Variants in GAREM1 observed in about 807,000 individuals in gnomAD.
GAREM1 encodes GRB2 associated regulator of MAPK1 subtype 1, also known as GRB2-associated and regulator of MAPK protein 1.
Under a neutral mutation model 71.3 loss-of-function variants are expected in GAREM1, and 26 were observed. The observed-to-expected ratio is 0.36, with a 90% CI of 0.27 to 0.51. The LOEUF is 0.51. Ranked by LOEUF, GAREM1 falls within the 20% of genes least tolerant of loss-of-function variation. The pLI, the probability that GAREM1 is intolerant of heterozygous loss-of-function variation, is 0.95. For missense variants in GAREM1, 1,026 were observed against 1,103.1 expected (o/e 0.93, Z 0.99); for synonymous variants, 440 against 433.2 (o/e 1.02, Z -0.20).
At chr18:32,360,628 A>T (rs1690808965) in intron 2 of GAREM1, among the ~76,000 whole-genome samples, 1 of 152,124 alleles carries the variant, frequency 6.6e-6, no homozygotes, top group African/African-American at 2.4e-5. Flanking sequence ...CCTGGCCAGC[A>T]AACACCCCAA....
At chr18:32,449,732 C>A (rs1468163387) in intron 1 of GAREM1, among the ~76,000 whole-genome samples, 1 of 152,144 alleles carries the variant, frequency 6.6e-6, no homozygotes, top group Non-Finnish European at 1.5e-5. Context: ...TCTGTGAAGA[C>A]CAGAATTATT....
At chr18:32,276,180 A>G (rs1179599325) in intron 4 of GAREM1, among the ~76,000 whole-genome samples, 1 of 152,214 alleles carries the variant, frequency 6.6e-6, no homozygotes, top group African/African-American at 2.4e-5. Context: ...AATGAGGCAT[A>G]TTTCTAGAAA....
intron 2 of GAREM1, among the ~76,000 whole-genome samples, chr18:32,328,982 G>T (rs1598964603): frequency 6.6e-6 from 1 of 152,310 alleles, no homozygotes; most frequent in Non-Finnish European, 1.5e-5. Context: ...GACGGGCAAA[G>T]AACATGATGA....
At chr18:32,342,903 C>T (rs2047660782) in intron 2 of GAREM1, among the ~76,000 whole-genome samples, 1 of 152,164 alleles carries the variant, frequency 6.6e-6, no homozygotes, top group Non-Finnish European at 1.5e-5. Context: ...TATGTACTAT[C>T]TATGCTTCTT....
At position 32,287,992 on chromosome 18, in the gene GAREM1, T is replaced by C. The variant is rs546193858; in HGVS notation, c.605A>G (p.Asn202Ser). 1.2e-6 allele frequency: 2 copies of C among 1,614,176 alleles called. No homozygotes were observed. Among genetic ancestry groups the C allele is most frequent in the East Asian group, 2.2e-5 (1 of 44,880 alleles). The change falls in exon 4 of 6, where the codon AAT becomes AGT. Residue 202 changes from asparagine (N) to serine (S), a missense_variant. Around this residue, in one of 3 missense-constraint regions of GAREM1, gnomAD observed 218 missense variants for 296.8 expected, o/e 0.73. Transcript: ENST00000269209. This position sits in a 1 kb window ranked among gnomAD's most constrained non-coding sequence, Gnocchi z 5.9. ...KGKMPCLICM[N>S]HRTNESISLP... ...GCTAATGCTTTCGTTGGTCCGGTGA[T>C]TCATACAAATGAGGCACGGCATTTT...
chr18:32,450,863 C>T (rs555783156), intron 1 of GAREM1, among the ~76,000 whole-genome samples: 1 of 152,068 alleles, frequency 6.6e-6, no homozygotes, highest in African/African-American at 2.4e-5. Flanking sequence ...GCATGATTTA[C>T]CATATTCTGT....
rs767494769 is a variant in GAREM1, at chr18:32,288,195, T to G, written c.402A>C (p.Ser134=). 6.3e-7 allele frequency: 1 copy of G among 1,597,942 alleles called. No individual in the cohort carries two copies. The highest frequency in any genetic ancestry group is 8.5e-7 in the Non-Finnish European group (1 of 1,171,966). Residue 134 remains serine (S), a synonymous_variant, in exon 4 of 6, where the codon TCA becomes TCC. Transcript: ENST00000269209. ...EDITFNVKVA[S]GECNEDTEVY... is the part of the protein sequence containing the mutation. ...CTTCAGTGTCTTCATTGCATTCACC[T>G]GAAGCAACCTACAATATAATAAATC...
In GAREM1 at chr18:32,268,521, G is replaced by A. The variant is rs2041409822; in HGVS notation, c.1981C>T (p.Pro661Ser). 1 of 1,614,174 alleles carries A rather than the reference G, an allele frequency of 6.2e-7. No homozygotes were observed. The highest frequency in any genetic ancestry group is 1.3e-5 in the African/African-American group (1 of 75,038). The change falls in exon 6 of 6, where the codon CCA becomes TCA. Residue 661 changes from proline (P) to serine (S), a missense_variant. Physicochemically the swap from Pro to Ser is moderately conservative, Grantham distance 74 (BLOSUM62 -1). This residue lies in a region of GAREM1 where 636 missense variants were observed against 631.2 expected (regional missense o/e 1.01). Coordinates refer to ENST00000269209, the MANE Select transcript of GAREM1 (RefSeq NM_001242409.2). ...SYPRQKTPGT[P>S]KRNCPAPFDF... The stretch of plus-strand genomic sequence containing the variant: ...AAAGGTGCTGGGCAGTTTCTCTTTG[G>A]TGTGCCTGGCGTCTTTTGTCTAGGG...
chr18:32,378,049 TGTGTGTGTGC>T (rs1377836293), intron 2 of GAREM1, among the ~76,000 whole-genome samples: 4 of 148,104 alleles, frequency 2.7e-5, no homozygotes, highest in African/African-American at 7.7e-5. Context: ...TGTGTGTGTG[TGTGTGTGTGC>T]GCGCGGGCGC....
intron 3 of GAREM1, among the ~76,000 whole-genome samples, chr18:32,295,488 C>G (rs1254606684): frequency 2.0e-5 from 3 of 152,094 alleles, no homozygotes; most frequent in Admixed American, 6.5e-5. Context: ...GAATTTTTTT[C>G]TCTCATGTTA....
intron 2 of GAREM1, among the ~76,000 whole-genome samples, chr18:32,385,988 A>T (rs2048143958): frequency 6.6e-6 from 1 of 152,232 alleles, no homozygotes; most frequent in Admixed American, 6.5e-5. Flanking sequence ...TATAACCTAA[A>T]AATTCAGTCA....
At chr18:32,296,922 AG>A (rs2047146773) in intron 3 of GAREM1, among the ~76,000 whole-genome samples, 1 of 152,112 alleles carries the variant, frequency 6.6e-6, no homozygotes, top group Non-Finnish European at 1.5e-5. Context: ...TTTATCCCTA[AG>A]GCTTTTACTT....
chr18:32,343,311 GTT>G (rs35086441), intron 2 of GAREM1, among the ~76,000 whole-genome samples: 6,683 of 118,680 alleles, frequency 0.056, 128 homozygotes, highest in South Asian at 0.072. Context: ...CTCCCCCACT[GTT>G]TTTTTTTTTT....
chr18:32,271,838 A>G (rs944571306), intron 4 of GAREM1, among the ~76,000 whole-genome samples: 2 of 152,112 alleles, frequency 1.3e-5, no homozygotes, highest in African/African-American at 4.8e-5. Context: ...ATTTCAGAAT[A>G]TAATTACTAA....
chr18:32,292,433 T>C (rs1471428041), intron 3 of GAREM1, among the ~76,000 whole-genome samples: 2 of 152,024 alleles, frequency 1.3e-5, no homozygotes, highest in African/African-American at 4.8e-5. Flanking sequence ...AAAATAACCA[T>C]TCTGGGGAAA....
At chr18:32,286,356 GTGTA>G (rs1339185177) in intron 4 of GAREM1, among the ~76,000 whole-genome samples, 1 of 149,654 alleles carries the variant, frequency 6.7e-6, no homozygotes, top group African/African-American at 2.5e-5. Flanking sequence ...GTGTGTGTGT[GTGTA>G]TAATACATTA....
chr18:32,445,705 G>A (rs998163308), intron 1 of GAREM1, among the ~76,000 whole-genome samples: 4 of 152,076 alleles, frequency 2.6e-5, no homozygotes, highest in African/African-American at 9.7e-5. Context: ...TTGTTTCGCA[G>A]GACTGTAATG....
chr18:32,409,954 T>A (rs145515563), intron 1 of GAREM1, among the ~76,000 whole-genome samples: 45 of 152,328 alleles, frequency 3.0e-4, no homozygotes, highest in Middle Eastern at 3.4e-3. Context: ...TCCATTAAAC[T>A]ACAATATAGA....
Position 32,287,141 on chromosome 18 carries a change from G to A in GAREM1, c.1456C>T (p.Arg486Ter), listed in dbSNP as rs778300861. The A allele has an allele frequency of 1.2e-6, 2 of 1,614,182 alleles. No homozygotes were observed. Among genetic ancestry groups the A allele is most frequent in the Non-Finnish European group, 8.5e-7 (1 of 1,180,016 alleles). The part of the protein sequence containing the change: ...NRCDQFRGSV[R>*]SKCATSPLPI... ...AGAGGAGAAGTCGCACATTTGGATC[G>A]GACAGAACCTCTAAACTGATCACAT... Residue 486 changes from arginine (R) to a stop codon, truncating the protein, a stop_gained, in exon 4 of 6, where the codon CGA (arginine) becomes TGA (stop). Coordinates refer to ENST00000269209, the MANE Select transcript of GAREM1 (RefSeq NM_001242409.2). LOFTEE classifies it high-confidence loss of function. This position sits in a 1 kb window ranked among gnomAD's most constrained non-coding sequence, Gnocchi z 5.9.
Sources: gnomAD v4.1 joint callset for allele counts (sites outside exome capture counted in the v4.1 genomes callset) on GRCh38, gnomAD v4.1.1 for gene constraint, gnomAD v4.1.1 regional missense constraint, Gnocchi (gnomAD v3.1) non-coding constraint, MANE v1.5 for transcripts, NCBI Gene and HGNC (gene_info 2026-07-23, HGNC 2026-07-21) for gene names.